Variants in MCCC1 observed in about 807,000 individuals in gnomAD.
MCCC1 encodes the protein methylcrotonyl-CoA carboxylase subunit 1, also known as methylcrotonoyl-CoA carboxylase subunit alpha, mitochondrial.
A neutral mutation model predicts 83.8 loss-of-function variants in MCCC1; 64 were observed. The ratio of observed to expected loss-of-function variants is 0.76; its 90% CI spans 0.62 to 0.94. The LOEUF (loss-of-function observed/expected upper bound fraction) is 0.94. Among genes scored for constraint, MCCC1 ranks in the 40% least tolerant of loss-of-function variants. The pLI, the probability that MCCC1 is intolerant of heterozygous loss-of-function variation, is 0.00. For missense variants in MCCC1, 807 were observed against 904.7 expected (o/e 0.89, Z 1.39); for synonymous variants, 322 against 315.4 (o/e 1.02, Z -0.22).
intron 7 of MCCC1, among the ~76,000 whole-genome samples, chr3:183,067,794 T>C (rs1357015374): frequency 6.6e-6 from 1 of 152,252 alleles, no homozygotes; most frequent in Non-Finnish European, 1.5e-5. Flanking sequence ...CTTAGTTAAC[T>C]TGGGATAATC....
chr3:183,089,870 G>T (rs1382154397), intron 3 of MCCC1, among the ~76,000 whole-genome samples: 1 of 152,188 alleles, frequency 6.6e-6, no homozygotes, highest in Non-Finnish European at 1.5e-5. Flanking sequence ...CAGTATAGGT[G>T]AAAGGTCATG....
intron 9 of MCCC1, among the ~76,000 whole-genome samples, chr3:183,050,080 T>C (rs936796610): frequency 4.6e-5 from 7 of 151,862 alleles, no homozygotes; most frequent in African/African-American, 1.7e-4. Context: ...AGGCCAGGTA[T>C]GGTGGCTCAC....
chr3:183,078,057 T>C (rs1717212366), intron 4 of MCCC1, among the ~76,000 whole-genome samples: 2 of 152,162 alleles, frequency 1.3e-5, no homozygotes, highest in Admixed American at 1.3e-4. Flanking sequence ...CCTCGCAGTG[T>C]CTCCCAGGCT....
At chr3:183,062,353 T>A (rs1715902095) in intron 7 of MCCC1, among the ~76,000 whole-genome samples, 1 of 2,920 alleles carries the variant, frequency 3.4e-4, no homozygotes, top group South Asian at 0.029. Context: ...TTTTTCAGTT[T>A]TTTTTTTTTT....
At chr3:183,094,420 TC>T (rs1343550803) in intron 2 of MCCC1, 138 bp downstream of exon 2, 1 of 813,716 alleles carries the variant, frequency 1.2e-6, no homozygotes, top group Non-Finnish European at 2.1e-6. Context: ...ACTTAACACT[TC>T]CTAGAAAATT....
intron 4 of MCCC1, among the ~76,000 whole-genome samples, chr3:183,080,796 A>T (rs1484618683): frequency 6.6e-6 from 1 of 152,206 alleles, no homozygotes; most frequent in Non-Finnish European, 1.5e-5. Flanking sequence ...ATCATGGTGG[A>T]AAGGCAAGGA....
At chr3:183,053,403 A>C (rs1715141939) in intron 8 of MCCC1, among the ~76,000 whole-genome samples, 1 of 152,100 alleles carries the variant, frequency 6.6e-6, no homozygotes, top group Admixed American at 6.6e-5. Flanking sequence ...TGGGAGGATC[A>C]CTTGAGCCCA....
chr3:183,069,415 G>C (rs181687906), intron 7 of MCCC1, among the ~76,000 whole-genome samples: 97 of 152,288 alleles, frequency 6.4e-4, no homozygotes, highest in African/African-American at 2.2e-3. Flanking sequence ...TTAAGAGCAT[G>C]CTGATTTGGA....
intron 1 of MCCC1, among the ~76,000 whole-genome samples, chr3:183,115,189 C>A (rs1719570509): frequency 6.6e-6 from 1 of 152,136 alleles, no homozygotes; most frequent in South Asian, 2.1e-4. Context: ...TGTCTTCTGA[C>A]CTTACTAAAA....
chr3:183,104,097 C>A (rs1426368222), upstream of MCCC1, among the ~76,000 whole-genome samples: 2 of 152,200 alleles, frequency 1.3e-5, no homozygotes, highest in Non-Finnish European at 2.9e-5. Context: ...GCAAGCGCCG[C>A]GCGCAGCCCC....
intron 15 of MCCC1, among the ~76,000 whole-genome samples, chr3:183,025,403 T>C (rs1712506541): frequency 6.6e-6 from 1 of 152,164 alleles, no homozygotes; most frequent in Non-Finnish European, 1.5e-5. Flanking sequence ...AGTGCTCTGG[T>C]GGGTATTTTA....
At chr3:183,026,651 A>G (rs904799325) in intron 14 of MCCC1, among the ~76,000 whole-genome samples, 1 of 152,182 alleles carries the variant, frequency 6.6e-6, no homozygotes, top group African/African-American at 2.4e-5. Flanking sequence ...TGGAGGTTGC[A>G]GTGAGCTGAG....
At chr3:183,099,098 C>T in intron 1 of MCCC1, 1 of 587,714 alleles carries the variant, frequency 1.7e-6, no homozygotes, top group East Asian at 2.8e-5. Context: ...GCCCAGTCCT[C>T]AGAAATGGAA....
intron 3 of MCCC1, among the ~76,000 whole-genome samples, chr3:183,091,319 G>T (rs1190326232): frequency 6.6e-6 from 1 of 152,152 alleles, no homozygotes; most frequent in Non-Finnish European, 1.5e-5. Flanking sequence ...TGTAATCCCA[G>T]CACTTTGGGA....
At position 183,112,921 on chromosome 3, in the gene MCCC1, A is replaced by T. The variant is rs111783015; in HGVS notation, c.-102+2553T>A. ...GACCCCCATCTTAAAAAATAAAAAA[A>T]AATAAAAAATAAAAAAAAAATTGGC... On this transcript the variant is annotated intron_variant, in intron 1 of 17. Transcript: ENST00000492597. Among the ~76,000 whole-genome samples the T allele has an allele frequency of 1.2e-3, 180 of 151,978 alleles. 1 individual carries two copies. The highest frequency in any genetic ancestry group is 3.2e-3 in the Admixed American group (49 of 15,236).
chr3:183,022,704 C>G, intron 15 of MCCC1, 150 bp from the exon 16 acceptor site: 1 of 703,558 alleles, frequency 1.4e-6, no homozygotes, highest in Non-Finnish European at 2.3e-6. Context: ...AGTCATGGAA[C>G]TTTTCCCCTA....
At chr3:183,065,279 C>G (rs1364701023) in intron 7 of MCCC1, among the ~76,000 whole-genome samples, 1 of 152,004 alleles carries the variant, frequency 6.6e-6, no homozygotes, top group Non-Finnish European at 1.5e-5. Context: ...ACCTTGTAAC[C>G]ATGTGGCCTA....
At chr3:183,079,914 C>T (rs1204399411) in intron 4 of MCCC1, among the ~76,000 whole-genome samples, 1 of 152,206 alleles carries the variant, frequency 6.6e-6, no homozygotes, top group African/African-American at 2.4e-5. Flanking sequence ...TTGGGGCTTC[C>T]ACCCTCTGAA....
upstream of MCCC1, among the ~76,000 whole-genome samples, chr3:183,100,368 G>GA (rs1473076894): frequency 1.3e-5 from 2 of 152,140 alleles, no homozygotes; most frequent in South Asian, 2.1e-4. Flanking sequence ...CGTTACCACA[G>GA]AAAAAATAGA....
Sources: allele counts gnomAD v4.1 joint callset (sites outside exome capture counted in the v4.1 genomes callset), GRCh38; gene constraint gnomAD v4.1.1; transcripts MANE v1.5; gene names NCBI Gene and HGNC (gene_info 2026-07-23, HGNC 2026-07-21).